DSCAM: variants seen among roughly 807,000 people sequenced by gnomAD.
DSCAM encodes the protein cell adhesion molecule DSCAM.
A neutral mutation model predicts 217.7 loss-of-function variants in DSCAM; 47 were observed. That is an observed-to-expected ratio of 0.22 (90% CI 0.17 to 0.28). DSCAM has a LOEUF of 0.28. Among genes scored for constraint, DSCAM ranks in the 10% least tolerant of loss-of-function variants. DSCAM has a pLI of 1.00. For synonymous variants in DSCAM, 1,056 were observed against 1,015.3 expected, an observed-to-expected ratio of 1.04 and a Z score of -0.76; for missense variants, 2,080 against 2,618.3, an observed-to-expected ratio of 0.79 and a Z score of 4.49.
intron 1 of DSCAM, among the ~76,000 whole-genome samples, chr21:40,828,488 C>T (rs1450719740): frequency 6.6e-6 from 1 of 152,086 alleles, no homozygotes; most frequent in African/African-American, 2.4e-5. Flanking sequence ...CTCCCCCACC[C>T]ATGAGCTGTC....
intron 1 of DSCAM, among the ~76,000 whole-genome samples, chr21:40,735,790 T>TA (rs1268542913): frequency 6.6e-6 from 1 of 152,228 alleles, no homozygotes; most frequent in African/African-American, 2.4e-5. Flanking sequence ...GCATTTCTGA[T>TA]ACCAAATGGG....
intron 3 of DSCAM, among the ~76,000 whole-genome samples, chr21:40,412,233 G>A (rs559337284): frequency 3.4e-4 from 52 of 152,238 alleles, no homozygotes; most frequent in Non-Finnish European, 4.7e-4. Context: ...GACGAATACC[G>A]TAAATTGGTA....
intron 2 of DSCAM, among the ~76,000 whole-genome samples, chr21:40,702,214 C>T (rs1183423862): frequency 6.6e-6 from 1 of 152,096 alleles, no homozygotes; most frequent in Non-Finnish European, 1.5e-5. Context: ...ATTTTTAGGG[C>T]AGTGAAACTG....
chr21:40,294,258 A>G (rs1428437858), intron 10 of DSCAM, among the ~76,000 whole-genome samples: 1 of 152,248 alleles, frequency 6.6e-6, no homozygotes, highest in African/African-American at 2.4e-5. Context: ...TAAGACATAG[A>G]GATAAGCGTG....
chr21:40,570,107 CAGGTCTA>C (rs2076794973), intron 3 of DSCAM, among the ~76,000 whole-genome samples: 1 of 152,166 alleles, frequency 6.6e-6, no homozygotes, highest in Non-Finnish European at 1.5e-5. Flanking sequence ...AAGTCAAGAA[CAGGTCTA>C]GAGAGCAAAG....
At chr21:40,660,878 T>G (rs781517490) in intron 3 of DSCAM, among the ~76,000 whole-genome samples, 20 of 152,186 alleles carry the variant, frequency 1.3e-4, no homozygotes, top group Non-Finnish European at 2.5e-4. Flanking sequence ...CAATAACTGC[T>G]GAAGAAAAGC....
At position 40,573,484 on chromosome 21, in the gene DSCAM, T is replaced by C. The variant is rs2076824676; in HGVS notation, c.508+119326A>G. ...AAAATAAAATATATTTTGAATTGAA[T>C]GAAAATGAAAACACAACATATCAAA... On this transcript the variant is annotated intron_variant, in intron 3 of 32. Transcript: ENST00000400454. Among the ~76,000 whole-genome samples, 4 of 152,112 alleles carry C rather than the reference T, an allele frequency of 2.6e-5. No individual in the cohort carries two copies. The South Asian group carries it at 8.3e-4, about 31-fold the overall frequency.
At chr21:40,619,714 C>T (rs544144321) in intron 3 of DSCAM, among the ~76,000 whole-genome samples, 11 of 151,844 alleles carry the variant, frequency 7.2e-5, no homozygotes, top group Non-Finnish European at 1.3e-4. Flanking sequence ...ATACGCCGAT[C>T]GATACTTTCT....
chr21:40,561,235 C>A (rs2076718241), intron 3 of DSCAM, among the ~76,000 whole-genome samples: 1 of 152,154 alleles, frequency 6.6e-6, no homozygotes, highest in East Asian at 1.9e-4. Context: ...TGGTAACAGT[C>A]TAAAATGGCA....
At chr21:40,139,697 T>C (rs901980061) in intron 18 of DSCAM, among the ~76,000 whole-genome samples, 3 of 151,930 alleles carry the variant, frequency 2.0e-5, no homozygotes, top group African/African-American at 7.3e-5. Flanking sequence ...ATGGAGTGTG[T>C]GTCATGTGGT....
At chr21:40,202,135 A>G (rs931339220) in intron 11 of DSCAM, among the ~76,000 whole-genome samples, 1 of 152,146 alleles carries the variant, frequency 6.6e-6, no homozygotes, top group African/African-American at 2.4e-5. Flanking sequence ...GGACCATGAG[A>G]AGGACAAGTC....
At chr21:40,695,274 T>G (rs17758151) in intron 2 of DSCAM, among the ~76,000 whole-genome samples, 4,994 of 152,052 alleles carry the variant, frequency 0.033, 118 homozygotes, top group East Asian at 0.11. Flanking sequence ...CAGCCTACAC[T>G]AGATGGGATC....
At chr21:40,223,615 G>T (rs1318920908) in intron 11 of DSCAM, among the ~76,000 whole-genome samples, 1 of 152,038 alleles carries the variant, frequency 6.6e-6, no homozygotes, top group Non-Finnish European at 1.5e-5. Flanking sequence ...ACACATCCAT[G>T]TATCTATCTA....
intron 20 of DSCAM, among the ~76,000 whole-genome samples, chr21:40,119,060 T>G (rs576943388): frequency 6.6e-6 from 1 of 152,280 alleles, no homozygotes; most frequent in Admixed American, 6.5e-5. Flanking sequence ...GGAGTGAAGA[T>G]AGCATGGCAT....
At chr21:40,673,864 C>T (rs1195749875) in intron 3 of DSCAM, among the ~76,000 whole-genome samples, 1 of 152,150 alleles carries the variant, frequency 6.6e-6, no homozygotes, top group East Asian at 1.9e-4. Flanking sequence ...CACCATGCTT[C>T]CTCTATAGCC....
At chr21:40,814,113 CA>C (rs890715973) in intron 1 of DSCAM, among the ~76,000 whole-genome samples, 3 of 152,186 alleles carry the variant, frequency 2.0e-5, no homozygotes, top group African/African-American at 7.2e-5. Flanking sequence ...AAGCAGAAAG[CA>C]AAGGCATTAA....
At chr21:40,348,293 A>G (rs549295182) in intron 5 of DSCAM, among the ~76,000 whole-genome samples, 9 of 43,548 alleles carry the variant, frequency 2.1e-4, no homozygotes, top group South Asian at 7.3e-4. Context: ...TACCCCAGAG[A>G]GTTCCTATCA....
chr21:40,648,039 G>T (rs899979951), intron 3 of DSCAM, among the ~76,000 whole-genome samples: 1 of 152,094 alleles, frequency 6.6e-6, no homozygotes, highest in Non-Finnish European at 1.5e-5. Context: ...GCACCGAGTA[G>T]CAAGAAAACA....
intron 3 of DSCAM, among the ~76,000 whole-genome samples, chr21:40,429,553 C>G (rs552863986): frequency 6.6e-6 from 1 of 152,348 alleles, no homozygotes; most frequent in South Asian, 2.1e-4. Flanking sequence ...CAGGCATGAG[C>G]CACCAAGCCC....
Sources: allele counts gnomAD v4.1 joint callset (sites outside exome capture counted in the v4.1 genomes callset), GRCh38; gene constraint gnomAD v4.1.1; transcripts MANE v1.5; gene names NCBI Gene and HGNC (gene_info 2026-07-23, HGNC 2026-07-21).